CRACD: variants seen among roughly 807,000 people sequenced by gnomAD.
CRACD encodes capping protein inhibiting regulator of actin dynamics.
CRACD carries 56 observed loss-of-function variants against 106.8 expected under a neutral mutation model. The ratio of observed to expected loss-of-function variants is 0.52; its 90% CI spans 0.42 to 0.66. CRACD has a LOEUF of 0.66. Among genes scored for constraint, CRACD ranks in the 30% least tolerant of loss-of-function variants. The probability of loss-of-function intolerance (pLI) is 0.00; values close to 1 mark genes in which losing one functional copy is unlikely to be tolerated. For missense variants in CRACD, 1,730 were observed against 1,623.2 expected (o/e 1.07, Z -1.13); for synonymous variants, 754 against 670.8 (o/e 1.12, Z -1.92).
intron 8 of CRACD, among the ~76,000 whole-genome samples, chr4:56,320,466 A>G (rs2109790586): frequency 6.6e-6 from 1 of 152,348 alleles, no homozygotes. Context: ...CCTTGACTGT[A>G]ATAAGAGATT....
chr4:56,206,038 C>T (rs141308458), intron 2 of CRACD, among the ~76,000 whole-genome samples: 3 of 152,052 alleles, frequency 2.0e-5, no homozygotes, highest in Middle Eastern at 3.2e-3. Context: ...TATTTAAAGC[C>T]GACTAGAAAG....
At chr4:56,270,335 C>T (rs1484851689) in intron 2 of CRACD, among the ~76,000 whole-genome samples, 3 of 152,136 alleles carry the variant, frequency 2.0e-5, no homozygotes, top group South Asian at 4.1e-4. Context: ...AGATTACAGG[C>T]GTGAGCCACC....
At chr4:56,183,675 C>T (rs928919310) in intron 2 of CRACD, among the ~76,000 whole-genome samples, 13 of 152,196 alleles carry the variant, frequency 8.5e-5, no homozygotes, top group South Asian at 2.1e-4. Context: ...AGTAGGAAGA[C>T]CATACCTGAC....
intron 1 of CRACD, among the ~76,000 whole-genome samples, chr4:56,057,644 T>TTG (rs61602500): frequency 1.0e-4 from 15 of 149,466 alleles, no homozygotes; most frequent in Admixed American, 8.0e-4. Flanking sequence ...TTTTTTTTTT[T>TTG]GGGAGACGGA....
chr4:56,122,143 C>G (rs1049366450), intron 1 of CRACD, among the ~76,000 whole-genome samples: 1 of 151,964 alleles, frequency 6.6e-6, no homozygotes, highest in African/African-American at 2.4e-5. Context: ...CTGTGAATAT[C>G]CACTGCACTC....
chr4:56,069,428 G>C (rs1327850487), intron 1 of CRACD, among the ~76,000 whole-genome samples: 2 of 152,176 alleles, frequency 1.3e-5, no homozygotes, highest in Non-Finnish European at 2.9e-5. Context: ...GTCTGGAGAA[G>C]AGAATAAGTT....
chr4:56,280,728 T>C (rs1356896192), intron 3 of CRACD, among the ~76,000 whole-genome samples: 1 of 152,188 alleles, frequency 6.6e-6, no homozygotes, highest in African/African-American at 2.4e-5. Flanking sequence ...TTTCCCACCT[T>C]GGTAAAGAGT....
At chr4:56,055,622 A>G (rs914339406) in intron 1 of CRACD, among the ~76,000 whole-genome samples, 1 of 152,164 alleles carries the variant, frequency 6.6e-6, no homozygotes, top group Non-Finnish European at 1.5e-5. Context: ...AAAAGTTTTT[A>G]ATACATTTAG....
intron 1 of CRACD, among the ~76,000 whole-genome samples, chr4:56,177,563 A>T (rs977888321): frequency 6.6e-6 from 1 of 152,094 alleles, no homozygotes; most frequent in Non-Finnish European, 1.5e-5. Flanking sequence ...CCTTCTTTCC[A>T]ATTTGTTGCA....
rs1008338829 is a variant in CRACD, at chr4:56,085,660, A to G, written c.-336+36361A>G. Reference sequence around the variant, plus strand: ...ATTTGTTATAATCCTTTAAAAATGTAAAAACCATTCTTAGCTCCTGGGCCA... The same window carrying G: ...ATTTGTTATAATCCTTTAAAAATGTGAAAACCATTCTTAGCTCCTGGGCCA... On this transcript the variant is annotated intron_variant, in intron 1 of 10. Transcript: ENST00000682029. Among the ~76,000 whole-genome samples the G allele has an allele frequency of 2.6e-5, 4 of 152,220 alleles. No individual in the cohort carries two copies. The East Asian group carries it at 5.8e-4, about 22-fold the overall frequency.
chr4:56,275,348 G>A (rs552755450), intron 3 of CRACD, among the ~76,000 whole-genome samples: 37 of 152,232 alleles, frequency 2.4e-4, no homozygotes, highest in African/African-American at 8.4e-4. Flanking sequence ...CCTGCTGCTC[G>A]GGAGGCTGAG....
intron 1 of CRACD, among the ~76,000 whole-genome samples, chr4:56,177,110 T>G (rs1390485456): frequency 6.6e-6 from 1 of 152,226 alleles, no homozygotes; most frequent in African/African-American, 2.4e-5. Context: ...ATAAAAGTGG[T>G]GAAACTGGGC....
intron 2 of CRACD, among the ~76,000 whole-genome samples, chr4:56,240,384 G>C (rs373785405): frequency 5.9e-5 from 9 of 152,032 alleles, no homozygotes; most frequent in African/African-American, 2.2e-4. Context: ...ACTCATCAAC[G>C]CTGTTTTCTG....
intron 2 of CRACD, among the ~76,000 whole-genome samples, chr4:56,249,417 G>A (rs577629905): frequency 2.0e-4 from 29 of 148,190 alleles, no homozygotes; most frequent in Non-Finnish European, 3.6e-4. Flanking sequence ...CTTTTTGATG[G>A]GGTTGTTTGT....
At chr4:56,275,240 C>T (rs1039855597) in intron 3 of CRACD, among the ~76,000 whole-genome samples, 4 of 151,958 alleles carry the variant, frequency 2.6e-5, no homozygotes, top group East Asian at 1.9e-4. Flanking sequence ...AGTTTACCTA[C>T]GTAACAAACC....
At chr4:56,188,091 G>A (rs1037017869) in intron 2 of CRACD, among the ~76,000 whole-genome samples, 1 of 152,126 alleles carries the variant, frequency 6.6e-6, no homozygotes, top group Non-Finnish European at 1.5e-5. Flanking sequence ...ACTTCACTGG[G>A]CACATATTTT....
At chr4:56,274,897 A>T (rs1441492927) in intron 3 of CRACD, among the ~76,000 whole-genome samples, 1 of 152,234 alleles carries the variant, frequency 6.6e-6, no homozygotes, top group Non-Finnish European at 1.5e-5. Context: ...CCCATCAGTG[A>T]CAGATTGGAT....
chr4:56,051,483 A>T (rs773961317), intron 1 of CRACD, among the ~76,000 whole-genome samples: 4 of 152,172 alleles, frequency 2.6e-5, no homozygotes, highest in African/African-American at 7.2e-5. Context: ...GTATGTGCAT[A>T]TAGTTTCTCA....
Position 56,062,419 on chromosome 4 carries a change from AT to A in CRACD, c.-336+13122del, listed in dbSNP as rs1375155648. Among the ~76,000 whole-genome samples the A allele has an allele frequency of 9.8e-5, 15 of 152,340 alleles. No homozygotes were observed. In the South Asian group the frequency reaches 1.9e-3, roughly 19 times the overall value. On this transcript the variant is annotated intron_variant, in intron 1 of 10. Transcript: ENST00000682029. ...AAGTGGAAGGCTGAGGCATGTGAAC[AT>A]TCATCTTGGCCCTAAACCTTTTTCC...
Sources: allele counts gnomAD v4.1 joint callset (sites outside exome capture counted in the v4.1 genomes callset), GRCh38; gene constraint gnomAD v4.1.1; transcripts MANE v1.5; gene names NCBI Gene and HGNC (gene_info 2026-07-23, HGNC 2026-07-21).